The following CLEC18A variants were observed in gnomAD, a reference collection of about 807,000 sequenced individuals.
CLEC18A encodes C-type lectin domain family 18 member A, also known as mannose receptor-like 1.
In CLEC18A, 5 loss-of-function variants were observed where a neutral mutation model predicts 24.0. The observed-to-expected ratio is 0.21, with a 90% CI of 0.11 to 0.44. CLEC18A has a LOEUF of 0.44. Among genes scored for constraint, CLEC18A ranks in the 20% least tolerant of loss-of-function variants. The pLI, the probability that CLEC18A is intolerant of heterozygous loss-of-function variation, is 0.99. For missense variants in CLEC18A, 83 were observed against 233.4 expected, an observed-to-expected ratio of 0.36 and a Z score of 4.20; for synonymous variants, 29 against 100.1, an observed-to-expected ratio of 0.29 and a Z score of 4.24.
At chr16:69,964,828 G>T (rs556279455), downstream of CLEC18A, among the ~76,000 whole-genome samples, 1 of 151,984 alleles carries the variant, frequency 6.6e-6, no homozygotes, top group African/African-American at 2.4e-5. Context: ...TTGAGACAGA[G>T]TCTCGCTTTG....
chr16:69,964,645 G>C (rs1003048671), downstream of CLEC18A, among the ~76,000 whole-genome samples: 4 of 150,518 alleles, frequency 2.7e-5, no homozygotes, highest in Admixed American at 2.0e-4. Context: ...GACTACAGAC[G>C]CCCGCCACCA....
rs775298559 is a variant in CLEC18A at position 69,962,951 on chromosome 16, C to T, written c.1212-25C>T. 33 of 1,463,402 alleles carry T rather than the reference C, an allele frequency of 2.3e-5. 6 individuals carry two copies. Among genetic ancestry groups the T allele is most frequent in the Non-Finnish European group, 2.6e-5 (28 of 1,063,440 alleles). The allele number at this position is 1,463,402 out of a possible 1,614,324, so 90.7% of individuals were successfully genotyped here. ...CGGTCCCTGACTTCACTCTTGCCTCCTGACCACCACACCATGGCCTGCAGG... is the reference window on the plus strand; with the variant it reads ...CGGTCCCTGACTTCACTCTTGCCTCTTGACCACCACACCATGGCCTGCAGG... On this transcript the variant is annotated intron_variant, in intron 10 of 11. Coordinates refer to ENST00000288040, the MANE Select transcript of CLEC18A (RefSeq NM_001370523.4).
chr16:69,953,066 G>C (rs1424541283), intron 2 of CLEC18A: 1 of 151,212 alleles, frequency 6.6e-6, no homozygotes, highest in Admixed American at 6.6e-5. Flanking sequence ...GTGGTCGTTG[G>C]CTGGCAGCTG....
upstream of CLEC18A, among the ~76,000 whole-genome samples, chr16:69,949,126 AT>A (rs1375996687): frequency 1.5e-5 from 2 of 132,462 alleles, no homozygotes; most frequent in African/African-American, 6.2e-5. Flanking sequence ...TAATTTTTGT[AT>A]TTTTAGTAGA....
Position 69,962,965 on chromosome 16 carries a change from A to G in CLEC18A, c.1212-11A>G, listed in dbSNP as rs62050607. 5.0e-6 allele frequency: 7 copies of G among 1,413,742 alleles called. 2 individuals carry two copies. The highest frequency in any genetic ancestry group is 3.4e-5 in the South Asian group (3 of 87,194). The allele number at this position is 1,413,742 out of a possible 1,614,324, so 87.6% of individuals were successfully genotyped here. ...ACTCTTGCCTCCTGACCACCACACC[A>G]TGGCCTGCAGGTTTGGCAACTGCGT... On this transcript the variant is annotated splice_polypyrimidine_tract_variant and intron_variant, in intron 10 of 11. Transcript: ENST00000288040.
At chr16:69,953,874 A>AT (rs1420431191) in intron 2 of CLEC18A, 18 of 270,636 alleles carry the variant, frequency 6.7e-5, no homozygotes, top group African/African-American at 3.5e-4. Context: ...GGTGGGGAGC[A>AT]TATGAGGCCG....
At chr16:69,964,794 C>T (rs1959314535), downstream of CLEC18A, among the ~76,000 whole-genome samples, 1 of 151,844 alleles carries the variant, frequency 6.6e-6, no homozygotes, top group Non-Finnish European at 1.5e-5. Context: ...TGAGCCACCG[C>T]GCCCGGCCCT....
chr16:69,956,560 G>A (rs1328223842), intron 3 of CLEC18A, among the ~76,000 whole-genome samples: 2 of 58,722 alleles, frequency 3.4e-5, no homozygotes, highest in Non-Finnish European at 5.5e-5. Flanking sequence ...GGGTTTCACC[G>A]TATTAGCCAG....
rs2058944193 is a variant in CLEC18A at position 69,951,362 on chromosome 16, G to T, written c.-5G>T. On this transcript the variant is annotated 5_prime_UTR_variant, in exon 1 of 12. Transcript: ENST00000288040. ...CACGGAGCGCCTGACGGGCCCAACAGACCCATGCTGCATCCAGAGACCTCC... is the reference window on the plus strand; with the variant it reads ...CACGGAGCGCCTGACGGGCCCAACATACCCATGCTGCATCCAGAGACCTCC... The T allele has an allele frequency of 6.2e-7, 1 of 1,611,710 alleles. No individual in the cohort carries two copies. The highest frequency in any genetic ancestry group is 1.3e-5 in the African/African-American group (1 of 74,864).
intron 2 of CLEC18A, chr16:69,953,543 CG>C (rs1252482432): frequency 6.9e-6 from 1 of 145,946 alleles, no homozygotes; most frequent in Non-Finnish European, 1.5e-5. Flanking sequence ...GGGCTGGGCA[CG>C]GTGGCTCACA....
upstream of CLEC18A, among the ~76,000 whole-genome samples, chr16:69,946,551 C>T (rs2058911719): frequency 1.4e-5 from 2 of 144,976 alleles, no homozygotes; most frequent in Admixed American, 7.1e-5. Context: ...TACAGTTGCC[C>T]ACCACCACGC....
Position 69,954,993 on chromosome 16 carries a change from C to T in CLEC18A, c.456+420C>T, listed in dbSNP as rs192064976. Among the ~76,000 whole-genome samples, 431 of 151,854 alleles carry T rather than the reference C, an allele frequency of 2.8e-3. 1 individual carries two copies. The highest frequency in any genetic ancestry group is 9.9e-3 in the African/African-American group (411 of 41,354). ...GGGATTACAGGCATGAGCCACTGTG[C>T]CCCGCCACATTTTTTCTTTTTTTGG... On this transcript the variant is annotated intron_variant, in intron 3 of 11. Coordinates refer to ENST00000288040, the MANE Select transcript of CLEC18A (RefSeq NM_001370523.4).
chr16:69,955,121 C>G (rs2059016858), intron 3 of CLEC18A, among the ~76,000 whole-genome samples: 1 of 152,254 alleles, frequency 6.6e-6, no homozygotes, highest in Admixed American at 6.5e-5. Context: ...GTGCCTCAGC[C>G]TCACAAGTAG....
Position 69,955,112 on chromosome 16 carries a change from T to G in CLEC18A, c.456+539T>G, listed in dbSNP as rs540606849. 1.0e-3 allele frequency among the ~76,000 whole-genome samples: 156 copies of G among 152,260 alleles called. 2 individuals are homozygous for G. Among genetic ancestry groups the G allele is most frequent in the Non-Finnish European group, 1.3e-3 (86 of 68,018 alleles). ...GTCTCCTAGATTCAAGCGATTCTTG[T>G]GCCTCAGCCTCACAAGTAGCTGGGA... On this transcript the variant is annotated intron_variant, in intron 3 of 11. Transcript: ENST00000288040.
rs983908593 is a variant in CLEC18A at position 69,954,429 on chromosome 16, G to A, written c.312G>A (p.Leu104=). ...TGGCGTCCGGCCTGTGGCGCACCCT[G>A]CAAGTGGGCTGGAACATGCAGCTGC... The part of the protein sequence containing the change: ...PSLASGLWRT[L]QVGWNMQLLP... The change falls in exon 3 of 12, where the codon CTG becomes CTA. Residue 104 remains leucine, a synonymous_variant. Coordinates refer to ENST00000288040, the MANE Select transcript of CLEC18A (RefSeq NM_001370523.4). 6.2e-7 allele frequency: 1 copy of A among 1,611,730 alleles called. No individual in the cohort carries two copies. Among genetic ancestry groups the A allele is most frequent in the African/African-American group, 1.3e-5 (1 of 74,858 alleles).
At chr16:69,948,600 G>A (rs1412016915), upstream of CLEC18A, among the ~76,000 whole-genome samples, 5 of 151,770 alleles carry the variant, frequency 3.3e-5, no homozygotes, top group Non-Finnish European at 5.9e-5. Flanking sequence ...TACAATCTGG[G>A]TGGTGGATGT....
chr16:69,964,889 A>G (rs146810730), downstream of CLEC18A, among the ~76,000 whole-genome samples: 6 of 151,514 alleles, frequency 4.0e-5, no homozygotes, highest in East Asian at 1.2e-3. Flanking sequence ...GCAGCCTCGA[A>G]CTCCCAGGCT....
chr16:69,964,841 G>C (rs1467364020), downstream of CLEC18A, among the ~76,000 whole-genome samples: 2 of 151,952 alleles, frequency 1.3e-5, no homozygotes, highest in Non-Finnish European at 2.9e-5. Flanking sequence ...TCGCTTTGTC[G>C]TACAGGCTGG....
downstream of CLEC18A, among the ~76,000 whole-genome samples, chr16:69,965,414 C>T (rs1959350909): frequency 6.6e-6 from 1 of 152,038 alleles, no homozygotes; most frequent in Non-Finnish European, 1.5e-5. Context: ...TGTCCGGGGC[C>T]ACGGCCGCAG....
Sources: gnomAD v4.1 joint callset for allele counts (sites outside exome capture counted in the v4.1 genomes callset) on GRCh38, gnomAD v4.1.1 for gene constraint, MANE v1.5 for transcripts, NCBI Gene and HGNC (gene_info 2026-07-23, HGNC 2026-07-21) for gene names.